Variants in LINGO1 observed in about 807,000 individuals in gnomAD.
LINGO1 encodes the protein leucine rich repeat and Ig domain containing 1.
In LINGO1, 11 loss-of-function variants were observed where a neutral mutation model predicts 37.3. The ratio of observed to expected loss-of-function variants is 0.29; its 90% CI spans 0.19 to 0.49. The LOEUF is 0.49. LINGO1 is among the 20% of genes least tolerant of loss of function. The pLI is 0.99. For missense variants in LINGO1, 585 were observed against 878.2 expected (o/e 0.67, Z 4.22); for synonymous variants, 387 against 403.0 (o/e 0.96, Z 0.48).
intron 1 of LINGO1, among the ~76,000 whole-genome samples, chr15:77,695,283 G>A (rs546178711): frequency 6.6e-6 from 1 of 152,254 alleles, no homozygotes; most frequent in South Asian, 2.1e-4. Flanking sequence ...GAGCAGATGG[G>A]GTGGGCAGGG....
At chr15:77,720,167 G>A (rs1036227531) in intron 2 of LINGO1, among the ~76,000 whole-genome samples, 4 of 126,386 alleles carry the variant, frequency 3.2e-5, no homozygotes, top group African/African-American at 1.1e-4. Context: ...CTCCAATACC[G>A]ATCCTGGCCC....
intron 3 of LINGO1, chr15:77,641,663 T>C (rs955583642): frequency 4.4e-5 from 16 of 360,454 alleles, no homozygotes; most frequent in Non-Finnish European, 8.8e-5. Flanking sequence ...GGTAGGAGGC[T>C]GAGAGCCTGA....
chr15:77,701,642 C>G (rs911487499), intron 2 of LINGO1, among the ~76,000 whole-genome samples: 1 of 152,124 alleles, frequency 6.6e-6, no homozygotes, highest in Admixed American at 6.5e-5. Flanking sequence ...TAACGAGTAA[C>G]AAGTTCTCAC....
chr15:77,745,032 T>A (rs914109885), intron 1 of LINGO1, among the ~76,000 whole-genome samples: 1 of 150,830 alleles, frequency 6.6e-6, no homozygotes, highest in Non-Finnish European at 1.5e-5. Flanking sequence ...GCACGAGAAT[T>A]GCTTGAACCT....
intron 3 of LINGO1, among the ~76,000 whole-genome samples, chr15:77,662,739 G>A (rs1265060792): frequency 6.6e-6 from 1 of 152,180 alleles, no homozygotes; most frequent in Non-Finnish European, 1.5e-5. Context: ...AAAATACTTT[G>A]AAGTCGATGG....
intron 3 of LINGO1, among the ~76,000 whole-genome samples, chr15:77,644,327 C>A (rs1029661382): frequency 4.6e-5 from 7 of 152,218 alleles, no homozygotes; most frequent in African/African-American, 1.7e-4. Flanking sequence ...ACAGCTGTAC[C>A]CGGGCTGTGC....
chr15:77,631,217 C>G (rs2141074448), intron 1 of LINGO1, among the ~76,000 whole-genome samples: 1 of 152,316 alleles, frequency 6.6e-6, no homozygotes, highest in South Asian at 2.1e-4. Flanking sequence ...GCTATGCGCC[C>G]TCTGGCTGCC....
intron 1 of LINGO1, among the ~76,000 whole-genome samples, chr15:77,691,936 G>A (rs1202099966): frequency 6.6e-6 from 1 of 152,186 alleles, no homozygotes; most frequent in African/African-American, 2.4e-5. Context: ...GCATCACAGG[G>A]TCCAGATTAC....
chr15:77,633,888 T>G (rs986345057), upstream of LINGO1, among the ~76,000 whole-genome samples: 4 of 152,146 alleles, frequency 2.6e-5, no homozygotes, highest in Non-Finnish European at 5.9e-5. Context: ...GGACCTCACC[T>G]TTTTCCCTAT....
At chr15:77,782,348 T>C (rs1243014903) in intron 1 of LINGO1, among the ~76,000 whole-genome samples, 1 of 152,128 alleles carries the variant, frequency 6.6e-6, no homozygotes, top group Non-Finnish European at 1.5e-5. Flanking sequence ...GGTCTTGCTT[T>C]CTCCGCTCCA....
upstream of LINGO1, among the ~76,000 whole-genome samples, chr15:77,638,408 C>CA (rs1333059146): frequency 6.6e-6 from 1 of 151,992 alleles, no homozygotes; most frequent in Admixed American, 6.5e-5. Context: ...GGAGCAAAAA[C>CA]AAAAAAACAA....
At chr15:77,678,891 T>TTTTTTG (rs929485295) in intron 2 of LINGO1, among the ~76,000 whole-genome samples, 2 of 151,936 alleles carry the variant, frequency 1.3e-5, no homozygotes, top group Non-Finnish European at 2.9e-5. Flanking sequence ...GGTTTTTTTG[T>TTTTTTG]TTTTTGTTTT....
chr15:77,778,463 C>G (rs555884447), intron 1 of LINGO1, among the ~76,000 whole-genome samples: 4 of 152,186 alleles, frequency 2.6e-5, no homozygotes, highest in Non-Finnish European at 5.9e-5. Flanking sequence ...AGACAACTAA[C>G]GGGCACATCA....
intron 2 of LINGO1, among the ~76,000 whole-genome samples, chr15:77,677,597 T>TA (rs1567514720): frequency 6.6e-6 from 1 of 151,876 alleles, no homozygotes; most frequent in African/African-American, 2.4e-5. Flanking sequence ...AAGCTTCACT[T>TA]ACAGGTCCTC....
At chr15:77,819,690 T>A (rs999418142) in intron 1 of LINGO1, among the ~76,000 whole-genome samples, 1 of 150,762 alleles carries the variant, frequency 6.6e-6, no homozygotes, top group Non-Finnish European at 1.5e-5. Flanking sequence ...AGCGCGGCCC[T>A]GGGCCCCTCC....
At position 77,753,612 on chromosome 15, in the gene LINGO1, T is replaced by G. The variant is rs541886598; in HGVS notation, c.-256-18559A>C. Among the ~76,000 whole-genome samples the G allele has an allele frequency of 1.4e-4, 21 of 152,324 alleles. 1 individual carries two copies. In the South Asian group the frequency reaches 3.9e-3, roughly 29 times the overall value. The stretch of plus-strand genomic sequence containing the variant: ...GCTGTTTCTGGGCACTGCCAAGGAC[T>G]GTCAGCATGGGGCCGCTTGCTCACT... On this transcript the variant is annotated intron_variant, in intron 1 of 3. Coordinates refer to the LINGO1 transcript ENST00000561686.
At chr15:77,682,818 C>T (rs2075440261) in intron 2 of LINGO1, among the ~76,000 whole-genome samples, 1 of 152,116 alleles carries the variant, frequency 6.6e-6, no homozygotes, top group South Asian at 2.1e-4. Context: ...CACTTAAAAC[C>T]CGCCCAGGAA....
At chr15:77,696,544 G>T (rs2075697091), upstream of LINGO1, 1 of 152,464 alleles carries the variant, frequency 6.6e-6, no homozygotes. Flanking sequence ...AGCTGGCATG[G>T]AGCCCAGCAC....
chr15:77,803,208 A>G, intron 1 of LINGO1, among the ~76,000 whole-genome samples: 1 of 152,066 alleles, frequency 6.6e-6, no homozygotes, highest in East Asian at 1.9e-4. Flanking sequence ...TGGCTTCCCC[A>G]GGGGTAGGGG....
Sources: allele counts gnomAD v4.1 joint callset (sites outside exome capture counted in the v4.1 genomes callset), GRCh38; gene constraint gnomAD v4.1.1; transcripts MANE v1.5; gene names NCBI Gene and HGNC (gene_info 2026-07-23, HGNC 2026-07-21).